TRPC5OS: variants seen among roughly 807,000 people sequenced by gnomAD.
The protein encoded by TRPC5OS is TRPC5 opposite strand, also known as putative uncharacterized protein TRPC5OS.
For synonymous variants in TRPC5OS, 30 were observed against 29.3 expected (o/e 1.02, Z -0.08); for missense variants, 64 against 79.3 (o/e 0.81, Z 0.73).
intron 1 of TRPC5OS, among the ~76,000 whole-genome samples, chrX:111,895,546 C>T (rs1925023681): frequency 9.1e-6 from 1 of 110,306 alleles, no homozygotes; most frequent in Non-Finnish European, 1.9e-5. Flanking sequence ...TGTTTTTTGT[C>T]CTCTGGGAAA....
chrX:111,894,670 C>G (rs1238103252), intron 1 of TRPC5OS, among the ~76,000 whole-genome samples: 2 of 111,810 alleles, frequency 1.8e-5, no homozygotes, highest in Non-Finnish European at 3.8e-5. Flanking sequence ...AGACTCTTAT[C>G]ACTGTCTTGC....
chrX:111,899,607 G>A (rs1161554686), intron 3 of TRPC5OS, among the ~76,000 whole-genome samples: 9 of 111,082 alleles, frequency 8.1e-5, no homozygotes, highest in African/African-American at 2.6e-4. Flanking sequence ...AGTTAAATAG[G>A]TTTTGTGTGA....
chrX:111,883,228 G>A (rs1487284273), intron 1 of TRPC5OS, among the ~76,000 whole-genome samples: 1 of 112,652 alleles, frequency 8.9e-6, no homozygotes, highest in African/African-American at 3.2e-5. Flanking sequence ...TTTTGGTCCA[G>A]TTATAACCCA....
At chrX:111,893,310 A>C (rs1190693027) in intron 1 of TRPC5OS, among the ~76,000 whole-genome samples, 2 of 111,112 alleles carry the variant, frequency 1.8e-5, no homozygotes, top group Non-Finnish European at 3.8e-5. Context: ...AACCAAAAAA[A>C]TCTTTCTAGA....
chrX:111,891,478 G>C (rs1267816207), intron 1 of TRPC5OS, among the ~76,000 whole-genome samples: 3 of 111,765 alleles, frequency 2.7e-5, no homozygotes, highest in Admixed American at 9.5e-5. Flanking sequence ...TACCCTCTTT[G>C]GTTCTTCATA....
chrX:111,902,187 AC>A lies in TRPC5OS; in HGVS notation c.*5del. The A allele has an allele frequency of 9.2e-7, 1 of 1,092,561 alleles. No individual in the cohort carries two copies. The highest frequency in any genetic ancestry group is 1.2e-6 in the Non-Finnish European group (1 of 836,807). The allele number at this position is 1,092,561 out of a possible 1,213,427, so 90.0% of individuals were successfully genotyped here. A position where few individuals can be genotyped will look rare whatever the true frequency, so the allele number is the denominator to read the frequency against. On this transcript the variant is annotated 3_prime_UTR_variant, in exon 4 of 4. Transcript: ENST00000635763. ...AATGATGACTTAACAGGTGACTAAGACCCAATTTCTGCCCCCGTCCCCAGGG... is the reference window on the plus strand; with the variant it reads ...AATGATGACTTAACAGGTGACTAAGACCAATTTCTGCCCCCGTCCCCAGGG...
In TRPC5OS at chrX:111,888,793, T is replaced by G. The variant is rs1171382329; in HGVS notation, c.-545-7158T>G. 2.9e-5 allele frequency among the ~76,000 whole-genome samples: 3 copies of G among 105,234 alleles called. No homozygotes were observed. In the South Asian group the frequency reaches 1.3e-3, roughly 46 times the overall value. 91.4% of individuals were successfully genotyped at this position (105,234 alleles called of 115,157 possible). ...TCCTGTCAGGAGGCTGTCAAAATAA[T>G]CAAGGTGAGATGTAGATGATAGTGT... On this transcript the variant is annotated intron_variant, in intron 1 of 3. Coordinates refer to ENST00000635763, the MANE Select transcript of TRPC5OS (RefSeq NM_001195578.2).
intron 1 of TRPC5OS, among the ~76,000 whole-genome samples, chrX:111,885,433 A>C (rs1924435959): frequency 9.0e-6 from 1 of 110,985 alleles, no homozygotes; most frequent in African/African-American, 3.3e-5. Flanking sequence ...AGAGTGCCCA[A>C]CTCATCCTAG....
intron 1 of TRPC5OS, among the ~76,000 whole-genome samples, chrX:111,882,239 C>T (rs1487246459): frequency 9.1e-6 from 1 of 110,124 alleles, no homozygotes; most frequent in African/African-American, 3.3e-5. Context: ...AAGAGTATCC[C>T]CCTGGTTTCT....
Position 111,902,931 on chromosome X carries a change from T to G in TRPC5OS, c.*746T>G, listed in dbSNP as rs961727151. ...TATACCAAATAATCAAAGAGAGAAG[T>G]AATAGAAGGGCTAAGCAAAGCCCTA... On this transcript the variant is annotated 3_prime_UTR_variant, in exon 4 of 4. Coordinates refer to ENST00000635763, the MANE Select transcript of TRPC5OS (RefSeq NM_001195578.2). 36 of 111,705 alleles carry G rather than the reference T, an allele frequency of 3.2e-4. No individual in the cohort carries two copies. Among genetic ancestry groups the G allele is most frequent in the African/African-American group, 1.1e-3 (35 of 30,824 alleles). 9.2% of individuals were successfully genotyped at this position (111,705 alleles called of 1,213,427 possible).
At chrX:111,880,180 G>T (rs1422606833) in intron 1 of TRPC5OS, among the ~76,000 whole-genome samples, 2 of 110,881 alleles carry the variant, frequency 1.8e-5, no homozygotes, top group African/African-American at 6.6e-5. Context: ...GTAGCATACA[G>T]ATTGTTTTAA....
intron 1 of TRPC5OS, among the ~76,000 whole-genome samples, chrX:111,880,350 G>GATGA (rs1924151770): frequency 1.8e-5 from 2 of 112,335 alleles, no homozygotes; most frequent in South Asian, 3.7e-4. Context: ...ATATTTGTGG[G>GATGA]ATGAATGAAT....
chrX:111,894,963 T>C (rs1442011066), intron 1 of TRPC5OS, among the ~76,000 whole-genome samples: 1 of 110,823 alleles, frequency 9.0e-6, no homozygotes, highest in East Asian at 2.8e-4. Context: ...TGTAGTGATA[T>C]GGTAGCTAAT....
intron 3 of TRPC5OS, among the ~76,000 whole-genome samples, chrX:111,898,449 TC>T (rs746300804): frequency 7.3e-5 from 8 of 109,524 alleles, no homozygotes; most frequent in Admixed American, 9.8e-5. Flanking sequence ...CATTTTTGTA[TC>T]CCCTGTTTCC....
At position 111,903,055 on chromosome X, in the gene TRPC5OS, A is replaced by G. The variant is rs1315613359; in HGVS notation, c.*870A>G. ...TTAGGCATCAAAGCAGGAAGATGCT[A>G]CAACCCCATAATATGTGGAGCTGGC... On this transcript the variant is annotated 3_prime_UTR_variant, in exon 4 of 4. Transcript: ENST00000635763. 2.7e-5 allele frequency: 3 copies of G among 112,011 alleles called. No homozygotes were observed. The highest frequency in any genetic ancestry group is 3.8e-5 in the Non-Finnish European group (2 of 53,168). 9.2% of individuals were successfully genotyped at this position (112,011 alleles called of 1,213,427 possible).
chrX:111,892,826 G>A (rs1924866347), intron 1 of TRPC5OS, among the ~76,000 whole-genome samples: 1 of 111,334 alleles, frequency 9.0e-6, no homozygotes, highest in African/African-American at 3.3e-5. Flanking sequence ...TGTCTTCCAT[G>A]GGCAGCTATT....
At chrX:111,892,862 AT>A (rs1265673505) in intron 1 of TRPC5OS, among the ~76,000 whole-genome samples, 1 of 111,593 alleles carries the variant, frequency 9.0e-6, no homozygotes, top group Non-Finnish European at 1.9e-5. Flanking sequence ...ACCACATACT[AT>A]TTCCTAGATC....
At chrX:111,900,461 G>A (rs1346741172) in intron 3 of TRPC5OS, among the ~76,000 whole-genome samples, 1 of 111,965 alleles carries the variant, frequency 8.9e-6, no homozygotes, top group Non-Finnish European at 1.9e-5. Flanking sequence ...AAACAATCTG[G>A]TGAAGGGAGA....
rs1247532891 is a variant in TRPC5OS at position 111,903,343 on chromosome X, C to A, written c.*1158C>A. ...CAAGAACTAGTGGGGACGGTGTTTT[C>A]AGGAGAGAGAAGCAAATTAATAAAT... On this transcript the variant is annotated 3_prime_UTR_variant, in exon 4 of 4. Coordinates refer to ENST00000635763, the MANE Select transcript of TRPC5OS (RefSeq NM_001195578.2). The A allele has an allele frequency of 8.9e-6, 1 of 112,007 alleles. No individual in the cohort carries two copies. The highest frequency in any genetic ancestry group is 1.9e-5 in the Non-Finnish European group (1 of 53,166). 9.2% of individuals were successfully genotyped at this position (112,007 alleles called of 1,213,427 possible). A position where few individuals can be genotyped will look rare whatever the true frequency, so the allele number is the denominator to read the frequency against.
Sources: allele counts gnomAD v4.1 joint callset (sites outside exome capture counted in the v4.1 genomes callset), GRCh38; gene constraint gnomAD v4.1.1; transcripts MANE v1.5; gene names NCBI Gene and HGNC (gene_info 2026-07-23, HGNC 2026-07-21).